The following RIN2 variants were observed in gnomAD, a reference collection of about 807,000 sequenced individuals.
RIN2 encodes Ras and Rab interactor 2, also known as RAB5 interacting protein 2.
RIN2 carries 36 observed loss-of-function variants against 78.0 expected under a neutral mutation model. That is an observed-to-expected ratio of 0.46 (90% CI 0.35 to 0.61). The LOEUF (loss-of-function observed/expected upper bound fraction) is 0.61. Among genes scored for constraint, RIN2 ranks in the 20% least tolerant of loss-of-function variants. RIN2 has a pLI of 0.00. For synonymous variants in RIN2, 466 were observed against 466.8 expected (o/e 1.00, Z 0.02); for missense variants, 1,087 against 1,159.7 (o/e 0.94, Z 0.91).
intron 4 of RIN2, among the ~76,000 whole-genome samples, chr20:19,945,028 A>G (rs569802731): frequency 2.6e-4 from 40 of 152,346 alleles, no homozygotes; most frequent in African/African-American, 7.5e-4. Context: ...AAGACAGTCC[A>G]GGCACTTAGA....
chr20:19,762,814 A>G lies in RIN2; in HGVS notation c.-163+4487A>G, dbSNP rs533981138. On this transcript the variant is annotated intron_variant, in intron 1 of 12. Transcript: ENST00000255006. ...GTTTCGCTCTTGTTGCCCAGGCTGGAGTGCAGTGGTGCGATCTCGGCTCAC... is the reference window on the plus strand; with the variant it reads ...GTTTCGCTCTTGTTGCCCAGGCTGGGGTGCAGTGGTGCGATCTCGGCTCAC... Among the ~76,000 whole-genome samples, 603 of 152,224 alleles carry G rather than the reference A, an allele frequency of 4.0e-3. 3 individuals carry two copies. Among genetic ancestry groups the G allele is most frequent in the African/African-American group, 0.014 (574 of 41,554 alleles).
intron 2 of RIN2, among the ~76,000 whole-genome samples, chr20:19,844,517 T>G (rs1315913384): frequency 6.6e-6 from 1 of 151,850 alleles, no homozygotes; most frequent in African/African-American, 2.4e-5. Context: ...GTCAAGCAAA[T>G]GGGTGCATGG....
Position 19,975,303 on chromosome 20 carries a change from G to A in RIN2, c.1278G>A (p.Arg426=). 1 of 1,605,438 alleles carries A rather than the reference G, an allele frequency of 6.2e-7. No homozygotes were observed. The highest frequency in any genetic ancestry group is 8.5e-7 in the Non-Finnish European group (1 of 1,176,282). Residue 426 remains arginine (R), a synonymous_variant, in exon 9 of 13, where the codon CGG becomes CGA. Transcript: ENST00000255006. This position sits in a 1 kb window ranked among gnomAD's most constrained non-coding sequence, Gnocchi z 4.9. ...SESRPPCHGG[R]QRLSDMSIST... is the part of the protein sequence containing the mutation. ...CACGGCCCCCGTGCCATGGAGGCCG[G>A]CAGCGGCTGAGCGACATGAGCATTT...
chr20:19,799,318 C>T (rs930613118), intron 1 of RIN2, among the ~76,000 whole-genome samples: 8 of 152,174 alleles, frequency 5.3e-5, no homozygotes, highest in African/African-American at 2.4e-5. Context: ...AATGAATTGT[C>T]ACTTAACTGG....
chr20:19,861,607 A>G (rs1164835416), intron 2 of RIN2, among the ~76,000 whole-genome samples: 3 of 149,736 alleles, frequency 2.0e-5, no homozygotes, highest in Non-Finnish European at 3.0e-5. Context: ...ATCACCCTCC[A>G]TATCTGATGA....
At chr20:19,851,421 A>G (rs563625961) in intron 2 of RIN2, among the ~76,000 whole-genome samples, 1 of 152,232 alleles carries the variant, frequency 6.6e-6, no homozygotes, top group South Asian at 2.1e-4. Flanking sequence ...GGTGCCAGGG[A>G]CAAAGAACCT....
chr20:19,812,683 A>G (rs541005050), intron 2 of RIN2, among the ~76,000 whole-genome samples: 1 of 152,184 alleles, frequency 6.6e-6, no homozygotes, highest in African/African-American at 2.4e-5. Context: ...GCACCCCCCC[A>G]TTCAGAATGG....
rs1182737820 is a variant in RIN2 at position 19,990,254 on chromosome 20, G to A, written c.2011G>A (p.Val671Ile). Residue 671 changes from valine to isoleucine, a missense_variant, in exon 10 of 13, where the codon GTC becomes ATC. Transcript: ENST00000255006. ...MQKMYSPEKK[V>I]MLLLRVCKLI... Reference sequence around the variant, plus strand: ...GAAGATGTATTCGCCGGAAAAGAAGGTCATGCTGCTGCTGCGGGTCTGCAA... The same window carrying A: ...GAAGATGTATTCGCCGGAAAAGAAGATCATGCTGCTGCTGCGGGTCTGCAA... 6.2e-7 allele frequency: 1 copy of A among 1,613,644 alleles called. No homozygotes were observed. The highest frequency in any genetic ancestry group is 1.7e-5 in the Admixed American group (1 of 60,002).
intron 2 of RIN2, chr20:19,886,612 C>CTTTTTTTTTTTTTTTTTTT (rs11362637): frequency 3.8e-5 from 20 of 520,958 alleles, no homozygotes; most frequent in Admixed American, 7.3e-5. Context: ...TCTTCTTCTT[C>CTTTTTTTTTTTTTTTTTTT]TTTTTTTTTT....
chr20:19,844,801 G>C (rs6112606), intron 2 of RIN2, among the ~76,000 whole-genome samples: 1 of 151,206 alleles, frequency 6.6e-6, no homozygotes, highest in African/African-American at 2.4e-5. Context: ...TTGTTACATA[G>C]GTATACACGT....
chr20:19,985,559 G>A (rs564349752), intron 9 of RIN2, among the ~76,000 whole-genome samples: 253 of 152,192 alleles, frequency 1.7e-3, no homozygotes, highest in Middle Eastern at 3.4e-3. Flanking sequence ...CTATTTGCTT[G>A]TTACTAGAAA....
At chr20:19,791,133 C>A (rs1446830506) in intron 1 of RIN2, among the ~76,000 whole-genome samples, 3 of 152,138 alleles carry the variant, frequency 2.0e-5, no homozygotes, top group Non-Finnish European at 4.4e-5. Context: ...AGACCTTGAA[C>A]AAAATCAGCC....
At position 19,971,735 on chromosome 20, in the gene RIN2, A is replaced by ATTTTTTTTTTTTTTTTTTTT. The variant is rs61019165; in HGVS notation, c.628+811_628+830dup. On this transcript the variant is annotated intron_variant, in intron 8 of 12. Transcript: ENST00000255006. ...TGAATTCCCTTCTGCTGAAACTGCA[A>ATTTTTTTTTTTTTTTTTTTT]TTTTTTTTTTTTTTTTTTTTTTTTG... Among the ~76,000 whole-genome samples, 12 of 91,534 alleles carry ATTTTTTTTTTTTTTTTTTTT rather than the reference A, an allele frequency of 1.3e-4. 1 individual carries two copies. Among genetic ancestry groups the ATTTTTTTTTTTTTTTTTTTT allele is most frequent in the African/African-American group, 5.5e-4 (11 of 20,144 alleles). The allele number at this position is 91,534 out of a possible 152,430, so 60.0% of individuals were successfully genotyped here.
At chr20:19,960,038 C>G (rs2041686093) in intron 5 of RIN2, among the ~76,000 whole-genome samples, 1 of 152,188 alleles carries the variant, frequency 6.6e-6, no homozygotes, top group Admixed American at 6.5e-5. Context: ...AATAAATGGA[C>G]AGCCTCCATG....
intron 4 of RIN2, 142 bp from the exon 5 acceptor site, chr20:19,956,473 T>C: frequency 1.4e-6 from 1 of 696,918 alleles, no homozygotes; most frequent in Middle Eastern, 3.0e-4. Flanking sequence ...GCTTTCAGTC[T>C]GGAAGAGAAG....
intron 9 of RIN2, among the ~76,000 whole-genome samples, chr20:19,983,039 C>T (rs1193572816): frequency 6.6e-6 from 1 of 152,214 alleles, no homozygotes. Flanking sequence ...ACCACTCACA[C>T]TCAAATCCTT....
At chr20:19,982,069 C>T (rs1028701235) in intron 9 of RIN2, among the ~76,000 whole-genome samples, 2 of 152,222 alleles carry the variant, frequency 1.3e-5, no homozygotes, top group African/African-American at 4.8e-5. Context: ...TGACACTAGA[C>T]TGCAGGAACC....
intron 4 of RIN2, among the ~76,000 whole-genome samples, chr20:19,948,926 C>T (rs1021113864): frequency 5.3e-5 from 8 of 151,986 alleles, no homozygotes; most frequent in South Asian, 2.1e-4. Context: ...CTTCTGCCTC[C>T]GAAAATGCTG....
chr20:19,837,282 C>A (rs1469784671), intron 2 of RIN2, among the ~76,000 whole-genome samples: 2 of 151,258 alleles, frequency 1.3e-5, no homozygotes, highest in Non-Finnish European at 2.9e-5. Flanking sequence ...GTAATAGCAG[C>A]AAAAAGGAAA....
Sources: allele counts gnomAD v4.1 joint callset (sites outside exome capture counted in the v4.1 genomes callset), GRCh38; gene constraint gnomAD v4.1.1; non-coding constraint Gnocchi (gnomAD v3.1); transcripts MANE v1.5; gene names NCBI Gene and HGNC (gene_info 2026-07-23, HGNC 2026-07-21).